KCTD8: variants seen among roughly 807,000 people sequenced by gnomAD.
KCTD8 encodes the protein BTB/POZ domain-containing protein KCTD8.
KCTD8 carries 27 observed loss-of-function variants against 31.5 expected under a neutral mutation model. The ratio of observed to expected loss-of-function variants is 0.86; its 90% CI spans 0.63 to 1.18. The LOEUF is 1.18. KCTD8 is among the 50% of genes most tolerant of loss of function. KCTD8 has a pLI of 0.00. For missense variants in KCTD8, 658 were observed against 647.7 expected, an observed-to-expected ratio of 1.02 and a Z score of -0.17; for synonymous variants, 290 against 280.0, an observed-to-expected ratio of 1.04 and a Z score of -0.36.
At chr4:44,442,448 G>A (rs973137282) in intron 1 of KCTD8, among the ~76,000 whole-genome samples, 4 of 151,964 alleles carry the variant, frequency 2.6e-5, no homozygotes, top group South Asian at 2.1e-4. Flanking sequence ...TTAGCTGGGC[G>A]TGGTGGCAGG....
chr4:44,437,882 T>C (rs956178087), intron 1 of KCTD8, among the ~76,000 whole-genome samples: 1 of 152,126 alleles, frequency 6.6e-6, no homozygotes, highest in Non-Finnish European at 1.5e-5. Context: ...TCTCTTTCTC[T>C]TTTACTCTAA....
At chr4:44,294,013 T>C (rs905912228) in intron 1 of KCTD8, among the ~76,000 whole-genome samples, 2 of 152,312 alleles carry the variant, frequency 1.3e-5, no homozygotes, top group Admixed American at 1.3e-4. Context: ...CATGCCATTT[T>C]GCTTAAAAAT....
chr4:44,214,942 G>A (rs1714605850), intron 1 of KCTD8, among the ~76,000 whole-genome samples: 2 of 152,148 alleles, frequency 1.3e-5, no homozygotes, highest in South Asian at 4.1e-4. Context: ...CAGTACTTGA[G>A]ATATTTTGCA....
intron 1 of KCTD8, among the ~76,000 whole-genome samples, chr4:44,407,389 C>CTT (rs753718961): frequency 2.1e-5 from 3 of 140,964 alleles, no homozygotes; most frequent in South Asian, 2.2e-4. Flanking sequence ...CTCTTTTTTT[C>CTT]TTTTTTTTTT....
intron 1 of KCTD8, among the ~76,000 whole-genome samples, chr4:44,265,737 G>A (rs1349749960): frequency 1.3e-5 from 2 of 152,292 alleles, no homozygotes; most frequent in African/African-American, 2.4e-5. Context: ...CGAGAACTAC[G>A]TGAAGAATGC....
intron 1 of KCTD8, among the ~76,000 whole-genome samples, chr4:44,324,543 C>T (rs1718394387): frequency 6.6e-6 from 1 of 152,042 alleles, no homozygotes; most frequent in African/African-American, 2.4e-5. Flanking sequence ...AACTTTCCAG[C>T]ACAGTCGTAA....
chr4:44,408,652 C>T (rs1182588253), intron 1 of KCTD8, among the ~76,000 whole-genome samples: 2 of 152,074 alleles, frequency 1.3e-5, no homozygotes, highest in African/African-American at 4.8e-5. Flanking sequence ...CGGAGTCTTG[C>T]GCTGTTGCCA....
intron 1 of KCTD8, among the ~76,000 whole-genome samples, chr4:44,227,083 C>T (rs540794981): frequency 1.3e-5 from 2 of 152,188 alleles, no homozygotes; most frequent in South Asian, 4.1e-4. Context: ...GTTGCCATTG[C>T]TTTTGGTGTT....
At position 44,174,613 on chromosome 4, in the gene KCTD8, T is replaced by A. The variant is rs904368413; in HGVS notation, c.*177A>T. 4.5e-5 allele frequency: 22 copies of A among 491,500 alleles called. No individual in the cohort carries two copies. The highest frequency in any genetic ancestry group is 6.3e-5 in the Non-Finnish European group (18 of 285,052). 30.4% of individuals were successfully genotyped at this position (491,500 alleles called of 1,614,324 possible). On this transcript the variant is annotated 3_prime_UTR_variant, in exon 2 of 2. Transcript: ENST00000360029. ...TGATTTAATATTTTTTCCTTTTTAA[T>A]CATGTTTCTAAAAAGAACAACAACT...
intron 1 of KCTD8, among the ~76,000 whole-genome samples, chr4:44,186,600 G>A (rs1416781448): frequency 6.6e-6 from 1 of 152,152 alleles, no homozygotes. Context: ...ACCCCTAGAC[G>A]CTGCTGTGGG....
chr4:44,276,799 A>T (rs1177329006), intron 1 of KCTD8, among the ~76,000 whole-genome samples: 1 of 151,982 alleles, frequency 6.6e-6, no homozygotes, highest in Non-Finnish European at 1.5e-5. Flanking sequence ...TTGTTCTAAA[A>T]TTAAAGAATG....
intron 1 of KCTD8, among the ~76,000 whole-genome samples, chr4:44,436,424 T>C (rs1179008452): frequency 6.6e-6 from 1 of 152,020 alleles, no homozygotes; most frequent in Non-Finnish European, 1.5e-5. Flanking sequence ...GACTATCTTA[T>C]ATTAACAGAA....
chr4:44,358,964 T>C (rs777685705), intron 1 of KCTD8, among the ~76,000 whole-genome samples: 1 of 152,238 alleles, frequency 6.6e-6, no homozygotes, highest in Non-Finnish European at 1.5e-5. Context: ...GCTGCATAAA[T>C]ATCTTCTTTT....
chr4:44,373,091 G>A (rs534385895), intron 1 of KCTD8, among the ~76,000 whole-genome samples: 27 of 152,208 alleles, frequency 1.8e-4, no homozygotes, highest in African/African-American at 6.0e-4. Context: ...GAGGCCGGGC[G>A]CAGTGGCTCA....
At chr4:44,405,888 T>C (rs956390790) in intron 1 of KCTD8, among the ~76,000 whole-genome samples, 24 of 149,124 alleles carry the variant, frequency 1.6e-4, no homozygotes, top group African/African-American at 5.2e-4. Context: ...CCATGAGCCA[T>C]TGTTCTAAAC....
chr4:44,339,379 T>C (rs1271505257), intron 1 of KCTD8, among the ~76,000 whole-genome samples: 1 of 152,142 alleles, frequency 6.6e-6, no homozygotes, highest in Admixed American at 6.6e-5. Flanking sequence ...AAGACACAAC[T>C]TGATAAAATT....
At chr4:44,262,677 CTG>C (rs556746892) in intron 1 of KCTD8, among the ~76,000 whole-genome samples, 36 of 152,002 alleles carry the variant, frequency 2.4e-4, no homozygotes, top group African/African-American at 8.0e-4. Flanking sequence ...AATAAAATAA[CTG>C]TTATAGTTCT....
chr4:44,174,538 T>G lies in KCTD8; in HGVS notation c.*252A>C. The G allele has an allele frequency of 2.8e-6, 1 of 358,400 alleles. No homozygotes were observed. Among genetic ancestry groups the G allele is most frequent in the Non-Finnish European group, 5.0e-6 (1 of 200,412 alleles). The allele number at this position is 358,400 out of a possible 1,614,324, so 22.2% of individuals were successfully genotyped here. A position where few individuals can be genotyped will look rare whatever the true frequency, so the allele number is the denominator to read the frequency against. On this transcript the variant is annotated 3_prime_UTR_variant, in exon 2 of 2. Coordinates refer to ENST00000360029, the MANE Select transcript of KCTD8 (RefSeq NM_198353.3). ...CTTGATCATGCACATTTTACTTTCATTCTTGTAAAATGGTTTGAATCAGAT... is the reference window on the plus strand; with the variant it reads ...CTTGATCATGCACATTTTACTTTCAGTCTTGTAAAATGGTTTGAATCAGAT...
chr4:44,356,523 G>A (rs895876682), intron 1 of KCTD8, among the ~76,000 whole-genome samples: 2 of 152,126 alleles, frequency 1.3e-5, no homozygotes, highest in Non-Finnish European at 2.9e-5. Flanking sequence ...GCCCAGGCTG[G>A]AGTGCAGTGG....
Sources: allele counts gnomAD v4.1 joint callset (sites outside exome capture counted in the v4.1 genomes callset), GRCh38; gene constraint gnomAD v4.1.1; transcripts MANE v1.5; gene names NCBI Gene and HGNC (gene_info 2026-07-23, HGNC 2026-07-21).